The following SLC4A1 variants were observed in gnomAD, a reference collection of about 807,000 sequenced individuals.
SLC4A1 encodes solute carrier family 4 member 1 (Diego blood group).
Under a neutral mutation model 93.1 loss-of-function variants are expected in SLC4A1, and 29 were observed. The ratio of observed to expected loss-of-function variants is 0.31; its 90% confidence interval spans 0.23 to 0.42. SLC4A1 has a LOEUF of 0.42. SLC4A1 is among the 20% of genes least tolerant of loss of function. The pLI is 1.00. For synonymous variants in SLC4A1, 469 were observed against 497.2 expected, an observed-to-expected ratio of 0.94 and a Z score of 0.76; for missense variants, 965 against 1,190.1, an observed-to-expected ratio of 0.81 and a Z score of 2.78.
intron 1 of SLC4A1, among the ~76,000 whole-genome samples, chr17:44,264,764 C>T (rs1171636840): frequency 6.6e-6 from 1 of 152,046 alleles, no homozygotes; most frequent in Non-Finnish European, 1.5e-5. Flanking sequence ...CAGTTGTGTC[C>T]CTAGCAGAGA....
intron 15 of SLC4A1, 147 bp downstream of exon 15, chr17:44,255,059 TG>T: frequency 1.4e-6 from 1 of 693,762 alleles, no homozygotes; most frequent in Non-Finnish European, 2.6e-6. Flanking sequence ...GAGAAGCACA[TG>T]GGACTCCCAG....
chr17:44,264,935 G>A (rs1328044845), intron 1 of SLC4A1, among the ~76,000 whole-genome samples: 3 of 150,350 alleles, frequency 2.0e-5, no homozygotes, highest in Non-Finnish European at 4.4e-5. Context: ...TTCAACAAAG[G>A]TTCCCACTCT....
At chr17:44,253,735 G>A (rs1282681915) in intron 16 of SLC4A1, among the ~76,000 whole-genome samples, 21 of 151,680 alleles carry the variant, frequency 1.4e-4, no homozygotes, top group Admixed American at 1.4e-3. Flanking sequence ...GCAGTGGTGC[G>A]ATTTTGGCTC....
chr17:44,264,719 C>T (rs923740333), intron 1 of SLC4A1, among the ~76,000 whole-genome samples: 4 of 152,130 alleles, frequency 2.6e-5, no homozygotes, highest in African/African-American at 9.7e-5. Context: ...TAGGCCCCAG[C>T]CAAGAGGCCT....
chr17:44,259,189 C>T lies in SLC4A1; in HGVS notation c.850G>A (p.Ala284Thr). ...CTCTCTGACATGAGGGTGGCAGCAG[C>T]CCGGCCAAGCTGGGTGTAATCGATG... ...PHIDYTQLGR[A>T]AATLMSERVF... Residue 284 changes from alanine to threonine, a missense_variant, in exon 9 of 20, where the codon GCT (alanine) becomes ACT (threonine). Ala to Thr is a moderately conservative substitution (Grantham distance 58). Coordinates refer to ENST00000262418, the MANE Select transcript of SLC4A1 (RefSeq NM_000342.4). 6.2e-7 allele frequency: 1 copy of T among 1,614,048 alleles called. No homozygotes were observed. Among genetic ancestry groups the T allele is most frequent in the Non-Finnish European group, 8.5e-7 (1 of 1,180,042 alleles).
chr17:44,255,610 CG>C (rs1555595706), intron 14 of SLC4A1, 62 bp downstream of exon 14: 19 of 1,522,006 alleles, frequency 1.2e-5, no homozygotes, highest in Non-Finnish European at 1.5e-5. Flanking sequence ...GAATTTGGAG[CG>C]GGGGGGCTTT....
intron 12 of SLC4A1, 40 bp from the exon 13 acceptor site, chr17:44,257,584 T>G (rs763419925): frequency 1.2e-6 from 2 of 1,613,220 alleles, no homozygotes; most frequent in East Asian, 2.2e-5. Flanking sequence ...TCAAAGGGTC[T>G]TGGGGCAAGG....
chr17:44,258,785 G>T lies in SLC4A1; in HGVS notation c.877-162C>A, dbSNP rs1724626299. 6.6e-6 allele frequency among the ~76,000 whole-genome samples: 1 copy of T among 152,132 alleles called. No individual in the cohort carries two copies. Among genetic ancestry groups the T allele is most frequent in the Admixed American group, 6.5e-5 (1 of 15,278 alleles). ...CTCCCACCCCTACTCTCCCCACTAAGAAAGAGCTCTGGGGAGACAGACGGG... is the reference window on the plus strand; with the variant it reads ...CTCCCACCCCTACTCTCCCCACTAATAAAGAGCTCTGGGGAGACAGACGGG... On this transcript the variant is annotated intron_variant, in intron 9 of 19. Coordinates refer to ENST00000262418, the MANE Select transcript of SLC4A1 (RefSeq NM_000342.4). The surrounding 1 kb of genome is among the most constrained non-coding windows in gnomAD (Gnocchi z 6.1).
At chr17:44,267,234 C>T (rs776906173) in intron 1 of SLC4A1, among the ~76,000 whole-genome samples, 1 of 152,154 alleles carries the variant, frequency 6.6e-6, no homozygotes, top group Non-Finnish European at 1.5e-5. Context: ...ACTCTGCAGT[C>T]GGACTGCCTG....
rs1280066133 is a variant in SLC4A1, at chr17:44,260,930, G to C, written c.169-115C>G. 2.5e-6 allele frequency: 3 copies of C among 1,201,020 alleles called. No homozygotes were observed. The African/African-American group carries it at 4.5e-5, about 18-fold the overall frequency. The allele number at this position is 1,201,020 out of a possible 1,614,324, so 74.4% of individuals were successfully genotyped here. On this transcript the variant is annotated intron_variant, in intron 4 of 19. Transcript: ENST00000262418. ...GAGGCTTGGATCCCTGTGCTCAAGG[G>C]TCCGTAGATACGGCTCACACCACTC...
chr17:44,260,878 C>G, intron 4 of SLC4A1, 63 bp from the exon 5 acceptor site: 1 of 1,579,146 alleles, frequency 6.3e-7, no homozygotes, highest in Non-Finnish European at 8.6e-7. Flanking sequence ...GGGTGCTCAG[C>G]CACTCTCGAG....
Position 44,258,054 on chromosome 17 carries a change from A to T in SLC4A1, c.1214T>A (p.Val405Asp). ...SDITDAFSPQ[V>D]LAAVIFIYFA... ...GTAGATGAAGATGACGGCAGCCAGG[A>T]CCTGGGGGCTGAATGCATCTGTGAT... The change falls in exon 11 of 20, where the codon GTC (valine) becomes GAC (aspartate). Residue 405 changes from valine to aspartate, a missense_variant. Physicochemically the swap from Val to Asp is radical, Grantham distance 152 (BLOSUM62 -3). Transcript: ENST00000262418. The surrounding 1 kb of genome is among the most constrained non-coding windows in gnomAD (Gnocchi z 6.1). 1 of 1,614,046 alleles carries T rather than the reference A, an allele frequency of 6.2e-7. No homozygotes were observed. Among genetic ancestry groups the T allele is most frequent in the Non-Finnish European group, 8.5e-7 (1 of 1,180,016 alleles).
chr17:44,254,759 T>A (rs1014830026), intron 15 of SLC4A1, 97 bp from the exon 16 acceptor site: 18 of 1,041,836 alleles, frequency 1.7e-5, no homozygotes, highest in Non-Finnish European at 2.3e-5. Flanking sequence ...GGCAGTTAGG[T>A]TGGAGGCACT....
At position 44,258,542 on chromosome 17, in the gene SLC4A1, C is replaced by A. The variant is rs773576791; in HGVS notation, c.958G>T (p.Val320Leu). ...GAGGGGGCATCGGTGGGAGGCAGCACTAGGCTGCAGTCCAGGAAGCCCTCT... is the reference window on the plus strand; with the variant it reads ...GAGGGGGCATCGGTGGGAGGCAGCAATAGGCTGCAGTCCAGGAAGCCCTCT... ...SLEGFLDCSL[V>L]LPPTDAPSEQ... Residue 320 changes from valine to leucine, a missense_variant, in exon 10 of 20, where the codon GTG becomes TTG. Transcript: ENST00000262418. This position sits in a 1 kb window ranked among gnomAD's most constrained non-coding sequence, Gnocchi z 6.1. 1.2e-6 allele frequency: 2 copies of A among 1,613,874 alleles called. No homozygotes were observed. Among genetic ancestry groups the A allele is most frequent in the Non-Finnish European group, 8.5e-7 (1 of 1,179,926 alleles).
In SLC4A1 at chr17:44,251,237, C is replaced by T; in HGVS notation, c.2577G>A (p.Leu859=). Residue 859 remains leucine, a synonymous_variant, in exon 19 of 20, where the codon CTG becomes CTA. Transcript: ENST00000262418. The part of the protein sequence containing the change: ...VVKSTPASLA[L]PFVLILTVPL... ...GCACAGTGAGGATGAGGACGAAGGG[C>T]AGGGCCAGGGAGGCCGGCGTGGACT... 4 of 1,614,186 alleles carry T rather than the reference C, an allele frequency of 2.5e-6. No homozygotes were observed. Among genetic ancestry groups the T allele is most frequent in the Non-Finnish European group, 3.4e-6 (4 of 1,180,030 alleles).
chr17:44,262,047 GCA>G, intron 3 of SLC4A1: 1 of 1,165,954 alleles, frequency 8.6e-7, no homozygotes, highest in Non-Finnish European at 1.1e-6. Flanking sequence ...GAGCCCGTCA[GCA>G]CAGTGTCTCA....
At chr17:44,255,151 G>A in intron 15 of SLC4A1, 56 bp downstream of exon 15, 1 of 1,199,746 alleles carries the variant, frequency 8.3e-7, no homozygotes. Context: ...CATGCTGGGG[G>A]GTGGAAATGA....
rs749725846 is a variant in SLC4A1 at position 44,262,880 on chromosome 17, G to T, written c.-14C>A. 8.1e-6 allele frequency: 13 copies of T among 1,614,020 alleles called. No homozygotes were observed. The highest frequency in any genetic ancestry group is 1.1e-5 in the Non-Finnish European group (13 of 1,180,050). ...CAGCTCCTCCATGGCGTGGTCCTGA[G>T]TGTCCAGTTGTCTACGGTGATCTGA... On this transcript the variant is annotated 5_prime_UTR_variant, in exon 2 of 20. Transcript: ENST00000262418.
rs559492633 is a variant in SLC4A1, at chr17:44,253,626, C to A, written c.2058-255G>T. Among the ~76,000 whole-genome samples, 6 of 152,212 alleles carry A rather than the reference C, an allele frequency of 3.9e-5. No homozygotes were observed. In the South Asian group the frequency reaches 1.2e-3, roughly 32 times the overall value. On this transcript the variant is annotated intron_variant, in intron 16 of 19. Coordinates refer to ENST00000262418, the MANE Select transcript of SLC4A1 (RefSeq NM_000342.4). ...TCAGGGAGCTTTGCTTGTACAGGCCCCTCCAAGATCCAGCACCTAATTTTA... is the reference window on the plus strand; with the variant it reads ...TCAGGGAGCTTTGCTTGTACAGGCCACTCCAAGATCCAGCACCTAATTTTA...
Sources: gnomAD v4.1 joint callset for allele counts (sites outside exome capture counted in the v4.1 genomes callset) on GRCh38, gnomAD v4.1.1 for gene constraint, Gnocchi (gnomAD v3.1) non-coding constraint, MANE v1.5 for transcripts, NCBI Gene and HGNC (gene_info 2026-07-23, HGNC 2026-07-21) for gene names.